The following RYR2 variants were observed in gnomAD, a reference collection of about 807,000 sequenced individuals.
RYR2 encodes the protein cardiac muscle ryanodine receptor-calcium release channel.
In RYR2, 227 loss-of-function variants were observed where a neutral mutation model predicts 601.1. The observed-to-expected ratio is 0.38, with a 90% confidence interval of 0.34 to 0.42. The LOEUF is 0.42. RYR2 is among the 10% of genes least tolerant of loss of function. RYR2 has a pLI of 1.00. For synonymous variants in RYR2, 2,223 were observed against 2,175.1 expected, an observed-to-expected ratio of 1.02 and a Z score of -0.61; for missense variants, 4,646 against 6,156.5, an observed-to-expected ratio of 0.75 and a Z score of 8.21.
At chr1:237,191,219 C>T (rs1679934352) in intron 1 of RYR2, among the ~76,000 whole-genome samples, 1 of 152,088 alleles carries the variant, frequency 6.6e-6, no homozygotes, top group African/African-American at 2.4e-5. Context: ...AGTCATTGGC[C>T]ATATATGCAA....
Position 237,645,963 on chromosome 1 carries a change from G to A in RYR2, c.7343-2481G>A, listed in dbSNP as rs568618903. Among the ~76,000 whole-genome samples, 27 of 148,428 alleles carry A rather than the reference G, an allele frequency of 1.8e-4. No homozygotes were observed. In the East Asian group the frequency reaches 2.5e-3, roughly 14 times the overall value. On this transcript the variant is annotated intron_variant, in intron 48 of 104. Transcript: ENST00000366574. ...GCAGTCTTGGCTCACTGCAAGCTCC[G>A]CCTCCCGGGTTCACGCCATTCTCCT...
chr1:237,548,633 G>C (rs1214422744), intron 26 of RYR2, 43 bp downstream of exon 26: 1 of 1,597,638 alleles, frequency 6.3e-7, no homozygotes, highest in Non-Finnish European at 8.6e-7. Flanking sequence ...ACTTAAGTGG[G>C]AATTAGCATA....
At chr1:237,690,484 A>G (rs1437665835) in intron 63 of RYR2, among the ~76,000 whole-genome samples, 1 of 152,250 alleles carries the variant, frequency 6.6e-6, no homozygotes, top group East Asian at 1.9e-4. Context: ...TATTAAAATT[A>G]TTAGATTTTA....
At chr1:237,756,245 C>T in intron 80 of RYR2, 43 bp from the exon 81 acceptor site, 1 of 1,315,224 alleles carries the variant, frequency 7.6e-7, no homozygotes. Flanking sequence ...ATCTGTTGTG[C>T]TTACTGATAC....
intron 2 of RYR2, among the ~76,000 whole-genome samples, chr1:237,282,040 C>T (rs1271865112): frequency 1.3e-5 from 2 of 152,172 alleles, no homozygotes. Context: ...AGAGTATATA[C>T]TGCAGAGTGC....
Position 237,516,325 on chromosome 1 carries a change from G to C in RYR2, c.2822+4534G>C, listed in dbSNP as rs1016859729. Among the ~76,000 whole-genome samples, 5 of 151,916 alleles carry C rather than the reference G, an allele frequency of 3.3e-5. No homozygotes were observed. The Middle Eastern group carries it at 0.01, about 310-fold the overall frequency. Reference sequence around the variant, plus strand: ...GTAGAGATGGGGTTTCGCCATCTTGGCCAGGCTGGTCTCAAACCCCTGGCC... The same window carrying C: ...GTAGAGATGGGGTTTCGCCATCTTGCCCAGGCTGGTCTCAAACCCCTGGCC... On this transcript the variant is annotated intron_variant, in intron 24 of 104. Coordinates refer to ENST00000366574, the MANE Select transcript of RYR2 (RefSeq NM_001035.3).
chr1:237,707,613 A>G (rs529299197), intron 68 of RYR2, among the ~76,000 whole-genome samples: 1 of 152,322 alleles, frequency 6.6e-6, no homozygotes, highest in Non-Finnish European at 1.5e-5. Context: ...GAGAATGTGA[A>G]GAGAAGGGAG....
intron 19 of RYR2, 21 bp from the exon 20 acceptor site, chr1:237,496,490 G>C (rs1351806408): frequency 6.2e-7 from 1 of 1,607,712 alleles, no homozygotes; most frequent in African/African-American, 1.3e-5. Context: ...TTCCTTACAT[G>C]TGATTCCCGT....
At chr1:237,092,377 C>T (rs1031608010) in intron 1 of RYR2, among the ~76,000 whole-genome samples, 6 of 152,160 alleles carry the variant, frequency 3.9e-5, no homozygotes, top group African/African-American at 1.4e-4. Context: ...CTGCTATCTT[C>T]TCAGGCTTGG....
rs940667860 is a variant in RYR2 at position 237,503,293 on chromosome 1, C to T, written c.2401C>T (p.Arg801Cys). The stretch of plus-strand genomic sequence containing the variant: ...TCTAACGTGCATCCTCTTTAGAGTA[C>T]GCTTTCTGCTTGGAGGGCGACATGG... ...VVSFSAGIKV[R>C]FLLGGRHGEF... The change falls in exon 22 of 105, where the codon CGC (arginine) becomes TGC (cysteine). Residue 801 changes from arginine (R) to cysteine (C), a missense_variant. Coordinates refer to ENST00000366574, the MANE Select transcript of RYR2 (RefSeq NM_001035.3). 16 of 1,603,246 alleles carry T rather than the reference C, an allele frequency of 1.0e-5. No homozygotes were observed. Among genetic ancestry groups the T allele is most frequent in the African/African-American group, 5.4e-5 (4 of 74,690 alleles).
At position 237,792,366 on chromosome 1, in the gene RYR2, T is replaced by TGTGTGTGC. The variant is rs781440406; in HGVS notation, c.13782+50_13782+51insCGTGTGTG. 3.2e-4 allele frequency: 257 copies of TGTGTGTGC among 805,234 alleles called. No individual in the cohort carries two copies. In the Middle Eastern group the frequency reaches 3.4e-3, roughly 11 times the overall value. 49.9% of individuals were successfully genotyped at this position (805,234 alleles called of 1,614,324 possible). A position where few individuals can be genotyped will look rare whatever the true frequency, so the allele number is the denominator to read the frequency against. ...CAAGGTACCTGTGTGTGTGTGTGTG[T>TGTGTGTGC]GTGTGTGTGTGTGTGCGTGTGTGTG... On this transcript the variant is annotated intron_variant, in intron 94 of 104. Coordinates refer to ENST00000366574, the MANE Select transcript of RYR2 (RefSeq NM_001035.3).
At chr1:237,594,891 T>TTTTGTTTTG (rs1395413663) in intron 33 of RYR2, among the ~76,000 whole-genome samples, 16 of 14,590 alleles carry the variant, frequency 1.1e-3, no homozygotes, top group Non-Finnish European at 3.2e-3. Flanking sequence ...ACTGGGTTTT[T>TTTTGTTTTG]TTTTTTTTTT....
intron 1 of RYR2, among the ~76,000 whole-genome samples, chr1:237,207,738 G>A (rs567284688): frequency 4.5e-4 from 69 of 152,278 alleles, no homozygotes; most frequent in African/African-American, 1.6e-3. Flanking sequence ...AATGGACTGA[G>A]ACACCACTAG....
chr1:237,184,877 G>GTTTTT (rs397974914), intron 1 of RYR2, among the ~76,000 whole-genome samples: 2 of 142,530 alleles, frequency 1.4e-5, no homozygotes, highest in African/African-American at 2.6e-5. Context: ...TGTGAAGAGG[G>GTTTTT]TTTTTTTTTT....
rs144763236 is a variant in RYR2 at position 237,325,780 on chromosome 1, A to G, written c.169-5098A>G. 7.4e-3 allele frequency among the ~76,000 whole-genome samples: 1,122 copies of G among 152,308 alleles called. 15 individuals are homozygous for G. The highest frequency in any genetic ancestry group is 0.02 in the South Asian group (98 of 4,824). The stretch of plus-strand genomic sequence containing the variant: ...ATAAAGGGAAAGTGAGTATAATTAA[A>G]TTTGGAAAGAGAATTTTCAGTTTTC... On this transcript the variant is annotated intron_variant, in intron 2 of 104. Coordinates refer to ENST00000366574, the MANE Select transcript of RYR2 (RefSeq NM_001035.3).
intron 24 of RYR2, among the ~76,000 whole-genome samples, chr1:237,512,163 G>A (rs745795220): frequency 1.3e-5 from 2 of 152,116 alleles, no homozygotes; most frequent in Non-Finnish European, 2.9e-5. Context: ...GATATTAAGA[G>A]CAAGTGTTTA....
intron 1 of RYR2, among the ~76,000 whole-genome samples, chr1:237,138,468 C>T (rs1053325224): frequency 3.3e-5 from 5 of 152,030 alleles, no homozygotes; most frequent in African/African-American, 1.2e-4. Flanking sequence ...CCAGCTCAAT[C>T]TAGTTTTGTC....
chr1:237,588,844 AG>A (rs1172987932), intron 29 of RYR2, among the ~76,000 whole-genome samples: 1 of 146,442 alleles, frequency 6.8e-6, no homozygotes, highest in Non-Finnish European at 1.5e-5. Flanking sequence ...AAAAAAAAAA[AG>A]AGTACATAAA....
At chr1:237,472,697 T>C (rs117716523) in intron 17 of RYR2, among the ~76,000 whole-genome samples, 1 of 137,768 alleles carries the variant, frequency 7.3e-6, no homozygotes, top group East Asian at 2.2e-4. Flanking sequence ...AAAAAAAAAG[T>C]GAAGATGAAA....
Sources: gnomAD v4.1 joint callset for allele counts (sites outside exome capture counted in the v4.1 genomes callset) on GRCh38, gnomAD v4.1.1 for gene constraint, MANE v1.5 for transcripts, NCBI Gene and HGNC (gene_info 2026-07-23, HGNC 2026-07-21) for gene names.